Variants in FKBP4 observed in about 807,000 individuals in gnomAD.
FKBP4 encodes the protein FKBP prolyl isomerase 4.
FKBP4 carries 28 observed loss-of-function variants against 54.1 expected under a neutral mutation model. The observed-to-expected ratio is 0.52, with a 90% confidence interval of 0.38 to 0.71. FKBP4 has a LOEUF of 0.71. Among genes scored for constraint, FKBP4 ranks in the 30% least tolerant of loss-of-function variants. The pLI, the probability that FKBP4 is intolerant of heterozygous loss-of-function variation, is 0.00. For missense variants in FKBP4, 493 were observed against 574.4 expected (o/e 0.86, Z 1.45); for synonymous variants, 223 against 216.1 (o/e 1.03, Z -0.28).
chr12:2,796,901 ATC>A, intron 1 of FKBP4: 1 of 1,333,828 alleles, frequency 7.5e-7, no homozygotes, highest in Middle Eastern at 2.8e-4. Flanking sequence ...TTGAACTCAG[ATC>A]TCTCAGCCTT....
At chr12:2,796,219 C>G (rs1259358693) in intron 1 of FKBP4, 1 of 1,288,966 alleles carries the variant, frequency 7.8e-7, no homozygotes, top group Non-Finnish European at 1.0e-6. Context: ...GCACCCACCT[C>G]AGGGGGCCTT....
Position 2,805,369 on chromosome 12 carries a change from A to G in FKBP4, c.*2111A>G. On this transcript the variant is annotated 3_prime_UTR_variant, in exon 10 of 10. Coordinates refer to ENST00000001008, the MANE Select transcript of FKBP4 (RefSeq NM_002014.4). ...GCATGTAACCGTGGAACATCTAGAGATAAGTCTTAGTTTATGTAACATTAA... is the reference window on the plus strand; with the variant it reads ...GCATGTAACCGTGGAACATCTAGAGGTAAGTCTTAGTTTATGTAACATTAA... The G allele has an allele frequency of 2.9e-6, 1 of 339,968 alleles. No homozygotes were observed. The highest frequency in any genetic ancestry group is 2.3e-5 in the South Asian group (1 of 43,560). The allele number at this position is 339,968 out of a possible 1,614,324, so 21.1% of individuals were successfully genotyped here. A position where few individuals can be genotyped will look rare whatever the true frequency, so the allele number is the denominator to read the frequency against.
chr12:2,802,905 T>C (rs1307829293), intron 9 of FKBP4, among the ~76,000 whole-genome samples: 1 of 152,008 alleles, frequency 6.6e-6, no homozygotes, highest in African/African-American at 2.4e-5. Context: ...TTTTTGTAAT[T>C]TTTGTTGAGA....
In FKBP4 at chr12:2,799,090, G is replaced by T. The variant is rs1031996000; in HGVS notation, c.517G>T (p.Ala173Ser). Residue 173 changes from alanine (A) to serine (S), a missense_variant and splice_region_variant, in exon 5 of 10, where the codon GCA becomes TCA. Transcript: ENST00000001008. ...ACACTGCCTCTCTTTCATGCCAGTT[G>T]CACTGGAAGGGTACTACAAGGACAA... ...KPNEGAIVEV[A>S]LEGYYKDKLF... 4 of 1,531,220 alleles carry T rather than the reference G, an allele frequency of 2.6e-6. No homozygotes were observed. The highest frequency in any genetic ancestry group is 3.5e-6 in the Non-Finnish European group (4 of 1,141,326). The allele number at this position is 1,531,220 out of a possible 1,614,324, so 94.9% of individuals were successfully genotyped here.
In FKBP4 at chr12:2,797,739, C is replaced by G. The variant is rs1207955731; in HGVS notation, c.261C>G (p.Ile87Met). The change falls in exon 3 of 10, where the codon ATC (isoleucine) becomes ATG (methionine). Residue 87 changes from isoleucine to methionine, a missense_variant. By Grantham distance (10) the Ile-to-Met change is conservative. Transcript: ENST00000001008. ...CTTCTGTACCTGCAGGGGAGGTCAT[C>G]AAGGCTTGGGACATTGCCATAGCCA... ...FSFDLGKGEV[I>M]KAWDIAIATM... The G allele has an allele frequency of 6.2e-7, 1 of 1,612,724 alleles. No individual in the cohort carries two copies. The highest frequency in any genetic ancestry group is 8.5e-7 in the Non-Finnish European group (1 of 1,179,050).
Position 2,803,299 on chromosome 12 carries a change from C to A in FKBP4, c.*41C>A, listed in dbSNP as rs761366011. 3 of 1,366,562 alleles carry A rather than the reference C, an allele frequency of 2.2e-6. No homozygotes were observed. The highest frequency in any genetic ancestry group is 1.4e-5 in the African/African-American group (1 of 69,616). 84.7% of individuals were successfully genotyped at this position (1,366,562 alleles called of 1,614,324 possible). A position where few individuals can be genotyped will look rare whatever the true frequency, so the allele number is the denominator to read the frequency against. ...CCTACTCCTGCGGCTGCCTGCCCCCCAGTCTCCCCACTCCACCCTGTTAGT... is the reference window on the plus strand; with the variant it reads ...CCTACTCCTGCGGCTGCCTGCCCCCAAGTCTCCCCACTCCACCCTGTTAGT... On this transcript the variant is annotated 3_prime_UTR_variant, in exon 10 of 10. Coordinates refer to ENST00000001008, the MANE Select transcript of FKBP4 (RefSeq NM_002014.4).
intron 9 of FKBP4, chr12:2,801,848 C>T (rs1252874299): frequency 3.9e-5 from 11 of 282,776 alleles, no homozygotes; most frequent in Non-Finnish European, 7.8e-5. Flanking sequence ...TCAAGTCTGC[C>T]TCCCCCACCA....
At chr12:2,797,546 G>A (rs867825654) in intron 2 of FKBP4, among the ~76,000 whole-genome samples, 183 bp from the exon 3 acceptor site, 2 of 151,796 alleles carry the variant, frequency 1.3e-5, no homozygotes, top group Non-Finnish European at 2.9e-5. Context: ...TCAGGGTCAC[G>A]TGATCTTTTA....
In FKBP4 at chr12:2,805,114, A is replaced by C. The variant is rs1055248607; in HGVS notation, c.*1856A>C. Reference sequence around the variant, plus strand: ...TGACAGCATCACATGAGTGAAACTGAATCCTTGCAACCATCCTACAAAGAA... The same window carrying C: ...TGACAGCATCACATGAGTGAAACTGCATCCTTGCAACCATCCTACAAAGAA... On this transcript the variant is annotated 3_prime_UTR_variant, in exon 10 of 10. Coordinates refer to ENST00000001008, the MANE Select transcript of FKBP4 (RefSeq NM_002014.4). 6.6e-6 allele frequency: 3 copies of C among 454,468 alleles called. No homozygotes were observed. The highest frequency in any genetic ancestry group is 4.7e-5 in the Admixed American group (2 of 42,348). 28.2% of individuals were successfully genotyped at this position (454,468 alleles called of 1,614,324 possible).
At chr12:2,797,398 A>G in intron 2 of FKBP4, 116 bp downstream of exon 2, 3 of 1,236,198 alleles carry the variant, frequency 2.4e-6, no homozygotes, top group Non-Finnish European at 3.4e-6. Context: ...CAGTCTGTTA[A>G]CTCTTTCGGT....
intron 2 of FKBP4, 151 bp downstream of exon 2, chr12:2,797,433 G>A (rs558632795): frequency 2.9e-5 from 26 of 904,028 alleles, no homozygotes; most frequent in South Asian, 2.4e-4. Context: ...TTTTTCTACC[G>A]TTCTGTAACT....
rs2097901552 is a variant in FKBP4, at chr12:2,795,932, C to T, written c.105+688C>T. On this transcript the variant is annotated intron_variant, in intron 1 of 9. Transcript: ENST00000001008. This position sits in a 1 kb window ranked among gnomAD's most constrained non-coding sequence, Gnocchi z 4.3. ...GGCATGCCGGGAGCTGTAGTCCCCT[C>T]CCCCCTCCGCCGCCTCCCGGAGCCA... The T allele has an allele frequency of 2.0e-6, 2 of 1,022,386 alleles. No individual in the cohort carries two copies. The highest frequency in any genetic ancestry group is 2.4e-6 in the Non-Finnish European group (2 of 850,674). 63.3% of individuals were successfully genotyped at this position (1,022,386 alleles called of 1,614,324 possible).
Position 2,803,393 on chromosome 12 carries a change from A to C in FKBP4, c.*135A>C, listed in dbSNP as rs2097905932. ...TTCTATCTGGTTGGATGGTGGCTTT[A>C]GGGGAAGGGGGAAAGGTGTAGGCTG... On this transcript the variant is annotated 3_prime_UTR_variant, in exon 10 of 10. Transcript: ENST00000001008. 1.5e-6 allele frequency: 1 copy of C among 657,200 alleles called. No individual in the cohort carries two copies. The highest frequency in any genetic ancestry group is 1.8e-5 in the African/African-American group (1 of 55,520). The allele number at this position is 657,200 out of a possible 1,614,324, so 40.7% of individuals were successfully genotyped here. A position where few individuals can be genotyped will look rare whatever the true frequency, so the allele number is the denominator to read the frequency against.
Position 2,795,615 on chromosome 12 carries a change from G to GGCCGGGCCTCCCACGCCAC in FKBP4, c.105+376_105+394dup, listed in dbSNP as rs1325817106. ...GCACCCGAGCCGCAGCCCGGGGCCAGGCCGGGCCTCCCACGCCACGCCGCC... is the reference window on the plus strand; with the variant it reads ...GCACCCGAGCCGCAGCCCGGGGCCAGGCCGGGCCTCCCACGCCACGCCGGGCCTCCCACGCCACGCCGCC... On this transcript the variant is annotated intron_variant, in intron 1 of 9. Coordinates refer to ENST00000001008, the MANE Select transcript of FKBP4 (RefSeq NM_002014.4). The surrounding 1 kb of genome is among the most constrained non-coding windows in gnomAD (Gnocchi z 4.3). 6.8e-6 allele frequency: 1 copy of GGCCGGGCCTCCCACGCCAC among 147,668 alleles called. No homozygotes were observed. The highest frequency in any genetic ancestry group is 1.5e-5 in the Non-Finnish European group (1 of 66,450). The allele number at this position is 147,668 out of a possible 1,614,324, so 9.1% of individuals were successfully genotyped here.
chr12:2,795,114 C>T lies in FKBP4; in HGVS notation c.-26C>T, dbSNP rs2097900886. On this transcript the variant is annotated 5_prime_UTR_variant, in exon 1 of 10. Coordinates refer to ENST00000001008, the MANE Select transcript of FKBP4 (RefSeq NM_002014.4). This position sits in a 1 kb window ranked among gnomAD's most constrained non-coding sequence, Gnocchi z 4.3. Reference sequence around the variant, plus strand: ...AGTGCGCTCGCGCCGGCACCAGCTCCCGGATAAACGGCGCGCCGCGCGGAG... The same window carrying T: ...AGTGCGCTCGCGCCGGCACCAGCTCTCGGATAAACGGCGCGCCGCGCGGAG... 2 of 1,285,644 alleles carry T rather than the reference C, an allele frequency of 1.6e-6. No homozygotes were observed. Among genetic ancestry groups the T allele is most frequent in the Admixed American group, 3.2e-5 (1 of 31,626 alleles). The allele number at this position is 1,285,644 out of a possible 1,614,324, so 79.6% of individuals were successfully genotyped here. A position where few individuals can be genotyped will look rare whatever the true frequency, so the allele number is the denominator to read the frequency against.
At position 2,795,342 on chromosome 12, in the gene FKBP4, C is replaced by A; in HGVS notation, c.105+98C>A. On this transcript the variant is annotated intron_variant, in intron 1 of 9. Coordinates refer to ENST00000001008, the MANE Select transcript of FKBP4 (RefSeq NM_002014.4). This position sits in a 1 kb window ranked among gnomAD's most constrained non-coding sequence, Gnocchi z 4.3. ...GCCCGCGGCCGGGCACGGGTCGAGG[C>A]GGCCGCCTTTGCAGCCTCGCGGCCG... The A allele has an allele frequency of 2.1e-6, 1 of 480,072 alleles. No homozygotes were observed. The highest frequency in any genetic ancestry group is 2.9e-6 in the Non-Finnish European group (1 of 347,518). The allele number at this position is 480,072 out of a possible 1,614,324, so 29.7% of individuals were successfully genotyped here. A position where few individuals can be genotyped will look rare whatever the true frequency, so the allele number is the denominator to read the frequency against.
chr12:2,799,321 C>T (rs2097903544), intron 5 of FKBP4, 77 bp downstream of exon 5: 4 of 1,414,922 alleles, frequency 2.8e-6, no homozygotes, highest in Non-Finnish European at 3.7e-6. Context: ...GTAGAACCAG[C>T]TGTTTGTATC....
At position 2,800,480 on chromosome 12, in the gene FKBP4, A is replaced by G; in HGVS notation, c.935A>G (p.Gln312Arg). The change falls in exon 8 of 10, where the codon CAG (glutamine) becomes CGG (arginine). Residue 312 changes from glutamine to arginine, a missense_variant. Coordinates refer to ENST00000001008, the MANE Select transcript of FKBP4 (RefSeq NM_002014.4). ...TCTAGTTTTTCCAATGAGGAAGCAC[A>G]GAAAGCACAGGCCCTTCGACTGGCC... ...YESSFSNEEA[Q>R]KAQALRLASH... 3 of 1,614,212 alleles carry G rather than the reference A, an allele frequency of 1.9e-6. No individual in the cohort carries two copies. The highest frequency in any genetic ancestry group is 2.5e-6 in the Non-Finnish European group (3 of 1,180,030).
Position 2,803,765 on chromosome 12 carries a change from G to T in FKBP4, c.*507G>T, listed in dbSNP as rs1025969080. 6.4e-6 allele frequency: 1 copy of T among 155,906 alleles called. No individual in the cohort carries two copies. Among genetic ancestry groups the T allele is most frequent in the Non-Finnish European group, 1.4e-5 (1 of 69,884 alleles). The allele number at this position is 155,906 out of a possible 1,614,324, so 9.7% of individuals were successfully genotyped here. On this transcript the variant is annotated 3_prime_UTR_variant, in exon 10 of 10. Coordinates refer to ENST00000001008, the MANE Select transcript of FKBP4 (RefSeq NM_002014.4). ...CCTCACCCCCGACGGTGTGGCTGAT[G>T]ATGTCTTCTGGTGTCATGGTGACCA...
Sources: gnomAD v4.1 joint callset for allele counts (sites outside exome capture counted in the v4.1 genomes callset) on GRCh38, gnomAD v4.1.1 for gene constraint, Gnocchi (gnomAD v3.1) non-coding constraint, MANE v1.5 for transcripts, NCBI Gene and HGNC (gene_info 2026-07-23, HGNC 2026-07-21) for gene names.